Variants in ZNF605 observed in about 807,000 individuals in gnomAD.
The protein encoded by ZNF605 is zinc finger protein 605.
In ZNF605, 9 loss-of-function variants were observed where a neutral mutation model predicts 7.9. That is an observed-to-expected ratio of 1.14 (90% CI 0.68 to 1.98). The LOEUF is 1.98. Ranked by LOEUF, ZNF605 falls within the 30% of genes most tolerant of loss-of-function variation. The pLI is 0.00. For synonymous variants in ZNF605, 255 were observed against 260.1 expected (o/e 0.98, Z 0.19); for missense variants, 673 against 762.4 (o/e 0.88, Z 1.38).
intron 1 of ZNF605, among the ~76,000 whole-genome samples, chr12:132,955,499 G>C (rs2137174427): frequency 6.6e-6 from 1 of 152,330 alleles, no homozygotes; most frequent in East Asian, 1.9e-4. Context: ...AGGTCTGTGT[G>C]AACAAGGGGC....
rs772737844 is a variant in ZNF605, at chr12:132,923,858, T to C, written c.*1515A>G. 1 of 152,210 alleles carries C rather than the reference T, an allele frequency of 6.6e-6. No homozygotes were observed. Among genetic ancestry groups the C allele is most frequent in the Non-Finnish European group, 1.5e-5 (1 of 68,046 alleles). The allele number at this position is 152,210 out of a possible 1,614,324, so 9.4% of individuals were successfully genotyped here. A position where few individuals can be genotyped will look rare whatever the true frequency, so the allele number is the denominator to read the frequency against. On this transcript the variant is annotated 3_prime_UTR_variant, in exon 5 of 5. Transcript: ENST00000360187. ...CTACTGTAATGGTTTTCCTATTCTC[T>C]TCCTCTTCTCTAAGTCTTTTTTTCT...
At chr12:132,937,359 C>CAAAAAAAAAAAAAAAAAAAAAAAAAAAA (rs56281488) in intron 3 of ZNF605, among the ~76,000 whole-genome samples, 2 of 86,786 alleles carry the variant, frequency 2.3e-5, no homozygotes, top group African/African-American at 4.5e-5. Context: ...AACTCTGTCT[C>CAAAAAAAAAAAAAAAAAAAAAAAAAAAA]AAAAAAAAAA....
chr12:132,926,420 T>C lies in ZNF605; in HGVS notation c.879A>G (p.Lys293=), dbSNP rs2137124147. The C allele has an allele frequency of 6.2e-7, 1 of 1,613,768 alleles. No individual in the cohort carries two copies. Among genetic ancestry groups the C allele is most frequent in the Non-Finnish European group, 8.5e-7 (1 of 1,179,920 alleles). The change falls in exon 5 of 5, where the codon AAA becomes AAG. Residue 293 remains lysine (K), a synonymous_variant. Transcript: ENST00000360187. ...CTCTCTGATGTGTGATGAGTTTTAA[T>C]TTCTGGGAGAATGCTTTCCCACACT... ...CSECGKAFSQ[K]LKLITHQRAH...
At chr12:132,940,100 A>G (rs972316140) in intron 3 of ZNF605, among the ~76,000 whole-genome samples, 15 of 152,042 alleles carry the variant, frequency 9.9e-5, no homozygotes, top group African/African-American at 3.4e-4. Flanking sequence ...CCAAGAACCC[A>G]CCCATTCTGG....
chr12:132,949,651 C>T (rs1035813609), intron 1 of ZNF605, among the ~76,000 whole-genome samples: 11 of 152,134 alleles, frequency 7.2e-5, no homozygotes, highest in South Asian at 2.1e-4. Context: ...TCTCCCTCTC[C>T]GTCATTAAGA....
In ZNF605 at chr12:132,921,838, T is replaced by A. The variant is rs184909529; in HGVS notation, c.*3535A>T. 5 of 152,294 alleles carry A rather than the reference T, an allele frequency of 3.3e-5. No individual in the cohort carries two copies. Among genetic ancestry groups the A allele is most frequent in the African/African-American group, 1.2e-4 (5 of 41,542 alleles). 9.4% of individuals were successfully genotyped at this position (152,294 alleles called of 1,614,324 possible). On this transcript the variant is annotated 3_prime_UTR_variant, in exon 5 of 5. Coordinates refer to ENST00000360187, the MANE Select transcript of ZNF605 (RefSeq NM_183238.4). ...GACAGAAGACAAAGGAAGGCAAAATTCCTAAGGGAGAAATTCAAAAAAATG... is the reference window on the plus strand; with the variant it reads ...GACAGAAGACAAAGGAAGGCAAAATACCTAAGGGAGAAATTCAAAAAAATG...
intron 1 of ZNF605, among the ~76,000 whole-genome samples, chr12:132,950,460 TACAG>T (rs1442421871): frequency 1.6e-3 from 147 of 89,492 alleles, no homozygotes; most frequent in African/African-American, 6.4e-3. Context: ...CAGACGCACA[TACAG>T]ACACACAGAC....
chr12:132,951,671 C>T (rs1952569578), intron 1 of ZNF605, among the ~76,000 whole-genome samples: 1 of 131,072 alleles, frequency 7.6e-6, no homozygotes, highest in Non-Finnish European at 1.5e-5. Context: ...ACATAACATA[C>T]ACAGACATGC....
At chr12:132,949,145 G>A (rs1952530339) in intron 1 of ZNF605, among the ~76,000 whole-genome samples, 1 of 152,304 alleles carries the variant, frequency 6.6e-6, no homozygotes, top group Non-Finnish European at 1.5e-5. Context: ...CCCAGGCTCT[G>A]AGTGAGTTGC....
intron 1 of ZNF605, among the ~76,000 whole-genome samples, chr12:132,955,607 T>C (rs1332974756): frequency 3.3e-5 from 5 of 152,198 alleles, no homozygotes; most frequent in South Asian, 4.2e-4. Context: ...CAACCTTCGC[T>C]GTTTTCCAGG....
chr12:132,939,543 A>G (rs1440075060), intron 3 of ZNF605, among the ~76,000 whole-genome samples: 3 of 152,086 alleles, frequency 2.0e-5, no homozygotes, highest in Non-Finnish European at 2.9e-5. Flanking sequence ...TCTGTATCTA[A>G]CTAATCTGAT....
chr12:132,951,528 C>T (rs893076309), intron 1 of ZNF605, among the ~76,000 whole-genome samples: 39 of 150,356 alleles, frequency 2.6e-4, no homozygotes, highest in African/African-American at 9.0e-4. Flanking sequence ...CTGATGTACA[C>T]GTACGTCACA....
intron 1 of ZNF605, among the ~76,000 whole-genome samples, chr12:132,949,626 C>A (rs1952536258): frequency 6.6e-6 from 1 of 152,116 alleles, no homozygotes; most frequent in South Asian, 2.1e-4. Flanking sequence ...GGCATTGGCT[C>A]CCAAGTTCTT....
chr12:132,951,815 TACACATACACC>T (rs1318095372), intron 1 of ZNF605, among the ~76,000 whole-genome samples: 2 of 150,912 alleles, frequency 1.3e-5, no homozygotes, highest in African/African-American at 4.9e-5. Flanking sequence ...ATCACACACA[TACACATACACC>T]ACACATACAC....
Position 132,926,229 on chromosome 12 carries a change from C to A in ZNF605, c.1070G>T (p.Arg357Met). 6.2e-7 allele frequency: 1 copy of A among 1,614,136 alleles called. No homozygotes were observed. The highest frequency in any genetic ancestry group is 8.5e-7 in the Non-Finnish European group (1 of 1,180,030). ...GTAGGGCTTCTCTCCTGTATGAATCCTCTGATGCCTAATGAGAAGTGAGTT... is the reference window on the plus strand; with the variant it reads ...GTAGGGCTTCTCTCCTGTATGAATCATCTGATGCCTAATGAGAAGTGAGTT... The part of the protein sequence containing the change: ...SRNSLLIRHQ[R>M]IHTGEKPYEC... The change falls in exon 5 of 5, where the codon AGG (arginine) becomes ATG (methionine). Residue 357 changes from arginine (R) to methionine (M), a missense_variant. Physicochemically the swap from Arg to Met is moderately conservative, Grantham distance 91. Transcript: ENST00000360187.
At chr12:132,929,738 G>A (rs1464402471) in intron 4 of ZNF605, among the ~76,000 whole-genome samples, 2 of 151,548 alleles carry the variant, frequency 1.3e-5, no homozygotes, top group Non-Finnish European at 2.9e-5. Flanking sequence ...CGAGGTCAAG[G>A]GATCGAGACC....
At chr12:132,948,961 G>A (rs1952526941) in intron 1 of ZNF605, among the ~76,000 whole-genome samples, 1 of 152,134 alleles carries the variant, frequency 6.6e-6, no homozygotes, top group African/African-American at 2.4e-5. Flanking sequence ...CTCACGCCTG[G>A]CACCTGCAGG....
At chr12:132,951,599 A>ACT (rs1952568403) in intron 1 of ZNF605, among the ~76,000 whole-genome samples, 2 of 136,772 alleles carry the variant, frequency 1.5e-5, no homozygotes, top group Non-Finnish European at 3.3e-5. Context: ...ACACACTCAG[A>ACT]CACAGATACA....
At chr12:132,943,564 C>G (rs1238187903) in intron 3 of ZNF605, among the ~76,000 whole-genome samples, 2 of 152,102 alleles carry the variant, frequency 1.3e-5, no homozygotes, top group East Asian at 3.9e-4. Context: ...CACCTGCACT[C>G]CAGTCTCCTG....
Sources: gnomAD v4.1 joint callset for allele counts (sites outside exome capture counted in the v4.1 genomes callset) on GRCh38, gnomAD v4.1.1 for gene constraint, MANE v1.5 for transcripts, NCBI Gene and HGNC (gene_info 2026-07-23, HGNC 2026-07-21) for gene names.